Variants in CSMD1 observed in about 807,000 individuals in gnomAD.
CSMD1 encodes CUB and Sushi multiple domains 1, also known as CUB and sushi domain-containing protein 1.
Under a neutral mutation model 417.5 loss-of-function variants are expected in CSMD1, and 213 were observed. That is an observed-to-expected ratio of 0.51 (90% CI 0.46 to 0.57). The LOEUF (loss-of-function observed/expected upper bound fraction) is 0.57, where lower values mean the gene tolerates loss of function less well. CSMD1 is among the 20% of genes least tolerant of loss of function. CSMD1 has a pLI of 0.00. For missense variants in CSMD1, 6,923 were observed against 4,529.7 expected, an observed-to-expected ratio of 1.53 and a Z score of -15.17; for synonymous variants, 2,862 against 1,736.8, an observed-to-expected ratio of 1.65 and a Z score of -16.11.
At chr8:3,485,475 C>T (rs192204470) in intron 11 of CSMD1, among the ~76,000 whole-genome samples, 4 of 149,686 alleles carry the variant, frequency 2.7e-5, no homozygotes, top group East Asian at 2.0e-4. Flanking sequence ...TTGACTGTGG[C>T]GGATACAGGA....
At chr8:3,266,566 A>G (rs1178980251) in intron 26 of CSMD1, among the ~76,000 whole-genome samples, 1 of 133,210 alleles carries the variant, frequency 7.5e-6, no homozygotes, top group East Asian at 2.5e-4. Flanking sequence ...AGATCATGCC[A>G]TTGCATTCCA....
chr8:3,259,777 G>A (rs183646602), intron 26 of CSMD1, among the ~76,000 whole-genome samples: 5 of 152,288 alleles, frequency 3.3e-5, no homozygotes, highest in Middle Eastern at 3.4e-3. Flanking sequence ...ACTGTATACT[G>A]GAAATCAAAT....
intron 2 of CSMD1, among the ~76,000 whole-genome samples, chr8:4,430,893 C>T (rs540004115): frequency 2.0e-5 from 3 of 152,240 alleles, no homozygotes; most frequent in Non-Finnish European, 4.4e-5. Context: ...ACCAGCTTCT[C>T]CTGAATGGTA....
chr8:4,458,074 T>C (rs992514556), intron 2 of CSMD1, among the ~76,000 whole-genome samples: 1 of 152,218 alleles, frequency 6.6e-6, no homozygotes, highest in Non-Finnish European at 1.5e-5. Context: ...CAATCCTTCA[T>C]GTTTTTAACT....
intron 5 of CSMD1, among the ~76,000 whole-genome samples, chr8:3,932,603 A>G (rs1810228600): frequency 6.6e-6 from 1 of 150,580 alleles, no homozygotes. Context: ...ATCCACAAAC[A>G]GTATCATATT....
chr8:4,010,743 C>G (rs1394858188), intron 4 of CSMD1, among the ~76,000 whole-genome samples: 3 of 152,174 alleles, frequency 2.0e-5, no homozygotes, highest in African/African-American at 7.2e-5. Flanking sequence ...GTCTTACCAT[C>G]CTTAGGGCTC....
At chr8:4,781,652 G>A (rs563734146) in intron 1 of CSMD1, among the ~76,000 whole-genome samples, 2 of 152,282 alleles carry the variant, frequency 1.3e-5, no homozygotes, top group Non-Finnish European at 2.9e-5. Flanking sequence ...TGTCCTCAAT[G>A]TATTCAACTG....
At chr8:3,506,537 T>A (rs925452361) in intron 10 of CSMD1, among the ~76,000 whole-genome samples, 6 of 152,216 alleles carry the variant, frequency 3.9e-5, no homozygotes, top group African/African-American at 1.2e-4. Flanking sequence ...ACACAGATAC[T>A]TTACGTTTCA....
At chr8:4,969,427 A>T (rs1011823919) in intron 1 of CSMD1, among the ~76,000 whole-genome samples, 2 of 151,844 alleles carry the variant, frequency 1.3e-5, no homozygotes, top group African/African-American at 2.4e-5. Flanking sequence ...AGCATGCATC[A>T]TCTATAGGAG....
intron 1 of CSMD1, among the ~76,000 whole-genome samples, chr8:4,726,654 C>G (rs1052772251): frequency 3.9e-5 from 6 of 152,188 alleles, no homozygotes; most frequent in Admixed American, 2.6e-4. Context: ...CTTCATCATC[C>G]TCCCTCCTCT....
chr8:3,528,505 T>C (rs1797845653), intron 10 of CSMD1, among the ~76,000 whole-genome samples: 1 of 152,232 alleles, frequency 6.6e-6, no homozygotes, highest in Non-Finnish European at 1.5e-5. Context: ...TTAGGAACCC[T>C]GTGGGCTCTT....
rs1253247095 is a variant in CSMD1 at position 3,494,906 on chromosome 8, G to C, written c.1345-1180C>G. Among the ~76,000 whole-genome samples the C allele has an allele frequency of 3.3e-5, 5 of 152,172 alleles. No individual in the cohort carries two copies. The East Asian group carries it at 7.7e-4, about 23-fold the overall frequency. On this transcript the variant is annotated intron_variant, in intron 10 of 69. Transcript: ENST00000635120. ...AAAGAAAAGAGTAAGTGGTAGCATA[G>C]AGAAGACAGACTTCCCACTAATACC...
chr8:4,803,932 C>T (rs1436725918), intron 1 of CSMD1, among the ~76,000 whole-genome samples: 3 of 152,122 alleles, frequency 2.0e-5, no homozygotes, highest in Admixed American at 1.3e-4. Context: ...TCCATAAATA[C>T]GATGGGCATT....
intron 1 of CSMD1, among the ~76,000 whole-genome samples, chr8:4,783,842 G>T (rs117796071): frequency 6.6e-6 from 1 of 152,144 alleles, no homozygotes; most frequent in Non-Finnish European, 1.5e-5. Context: ...TCTTATATTG[G>T]TGATATCACT....
rs149589686 is a variant in CSMD1, at chr8:3,548,765, G to T, written c.1344+26180C>A. On this transcript the variant is annotated intron_variant, in intron 10 of 69. Coordinates refer to ENST00000635120, the MANE Select transcript of CSMD1 (RefSeq NM_033225.6). ...GGGTTGTTTCTAAAGAGTAAGCCCG[G>T]CCAAGTTGTTTTCATGCTTAACCAC... Among the ~76,000 whole-genome samples, 1,299 of 150,956 alleles carry T rather than the reference G, an allele frequency of 8.6e-3. 20 individuals are homozygous for T. The highest frequency in any genetic ancestry group is 0.029 in the African/African-American group (1,202 of 41,046).
intron 7 of CSMD1, among the ~76,000 whole-genome samples, chr8:3,673,157 C>T (rs989007758): frequency 2.0e-5 from 3 of 152,164 alleles, no homozygotes; most frequent in South Asian, 2.1e-4. Flanking sequence ...AACTCTGATG[C>T]TATGTCATTA....
At chr8:4,189,142 G>C (rs180857238) in intron 3 of CSMD1, among the ~76,000 whole-genome samples, 1 of 152,336 alleles carries the variant, frequency 6.6e-6, no homozygotes. Flanking sequence ...CCAAGTTTGT[G>C]AGTCATCTCT....
intron 55 of CSMD1, among the ~76,000 whole-genome samples, chr8:2,976,970 T>C: frequency 6.6e-6 from 1 of 151,616 alleles, no homozygotes; most frequent in Non-Finnish European, 1.5e-5. Context: ...GAAGAACACA[T>C]CCATTTTTCA....
chr8:3,692,324 C>T (rs1206409086), intron 7 of CSMD1, among the ~76,000 whole-genome samples: 1 of 152,158 alleles, frequency 6.6e-6, no homozygotes, highest in Non-Finnish European at 1.5e-5. Flanking sequence ...TGACCACATA[C>T]CCAAAAGAAG....
Sources: gnomAD v4.1 joint callset for allele counts (sites outside exome capture counted in the v4.1 genomes callset) on GRCh38, gnomAD v4.1.1 for gene constraint, MANE v1.5 for transcripts, NCBI Gene and HGNC (gene_info 2026-07-23, HGNC 2026-07-21) for gene names.